Variants in SLC35F4 observed in about 807,000 individuals in gnomAD.
The protein encoded by SLC35F4 is solute carrier family 35 member F4, also known as chromosome 14 open reading frame 36.
SLC35F4 carries 24 observed loss-of-function variants against 44.2 expected under a neutral mutation model. The ratio of observed to expected loss-of-function variants is 0.54; its 90% CI spans 0.39 to 0.76. The LOEUF (loss-of-function observed/expected upper bound fraction) is 0.76. Among genes scored for constraint, SLC35F4 ranks in the 30% least tolerant of loss-of-function variants. The pLI is 0.00. For missense variants in SLC35F4, 562 were observed against 586.1 expected (o/e 0.96, Z 0.42); for synonymous variants, 238 against 223.6 (o/e 1.06, Z -0.57).
intron 1 of SLC35F4, chr14:57,837,492 A>T (rs535891035): frequency 6.6e-6 from 1 of 152,194 alleles, no homozygotes; most frequent in East Asian, 1.9e-4. Context: ...CCAAGGGTAG[A>T]CCTCCTCCAA....
chr14:57,786,814 G>A (rs1225386635), intron 1 of SLC35F4, among the ~76,000 whole-genome samples: 1 of 152,118 alleles, frequency 6.6e-6, no homozygotes, highest in Admixed American at 6.6e-5. Context: ...CAAATGAGAA[G>A]GAACCAGAAA....
At chr14:57,799,560 C>T (rs1460425637) in intron 1 of SLC35F4, 1 of 152,434 alleles carries the variant, frequency 6.6e-6, no homozygotes, top group Non-Finnish European at 1.5e-5. Context: ...GCTTGGAATT[C>T]CCGCCAGCCA....
At chr14:57,866,996 TAATAA>T (rs199957066), upstream of SLC35F4, among the ~76,000 whole-genome samples, 3 of 142,928 alleles carry the variant, frequency 2.1e-5, no homozygotes, top group East Asian at 5.9e-4. Context: ...ATAATAATAA[TAATAA>T]TTTTCAAAGT....
At chr14:57,707,702 C>A (rs937614756) in intron 1 of SLC35F4, among the ~76,000 whole-genome samples, 2 of 152,104 alleles carry the variant, frequency 1.3e-5, no homozygotes, top group Admixed American at 6.5e-5. Context: ...GGGTAATGGG[C>A]AGAGGTTGCA....
At chr14:57,664,755 T>C (rs2074251953) in intron 1 of SLC35F4, among the ~76,000 whole-genome samples, 2 of 152,228 alleles carry the variant, frequency 1.3e-5, no homozygotes, top group Admixed American at 6.5e-5. Context: ...ATGAACATCA[T>C]GCTTCCGTCC....
At chr14:57,875,765 A>G (rs73294869) in intron 1 of SLC35F4, among the ~76,000 whole-genome samples, 16,784 of 152,234 alleles carry the variant, frequency 0.11, 2,848 homozygotes, top group African/African-American at 0.36. Flanking sequence ...AGGTTAACTC[A>G]GATTGATTAG....
chr14:57,568,876 A>G (rs939152943), intron 6 of SLC35F4, among the ~76,000 whole-genome samples: 11 of 152,106 alleles, frequency 7.2e-5, no homozygotes, highest in African/African-American at 1.4e-4. Flanking sequence ...AAGGATTTCT[A>G]TGGAGAAGAG....
At chr14:57,856,487 G>A (rs971344616) in intron 1 of SLC35F4, among the ~76,000 whole-genome samples, 1 of 151,994 alleles carries the variant, frequency 6.6e-6, no homozygotes, top group Non-Finnish European at 1.5e-5. Flanking sequence ...ATTAGCTAGT[G>A]AAAGTAGTAT....
At chr14:57,572,238 A>C (rs1273964404) in intron 4 of SLC35F4, among the ~76,000 whole-genome samples, 2 of 152,172 alleles carry the variant, frequency 1.3e-5, no homozygotes, top group Non-Finnish European at 2.9e-5. Context: ...CTAATTAAAG[A>C]CTAGTAATTT....
chr14:57,934,989 C>A (rs1366898476), intron 1 of SLC35F4, among the ~76,000 whole-genome samples: 2 of 152,130 alleles, frequency 1.3e-5, no homozygotes, highest in East Asian at 3.9e-4. Flanking sequence ...CCCCAAACTT[C>A]AGAAACACAG....
intron 1 of SLC35F4, among the ~76,000 whole-genome samples, chr14:57,864,051 T>C (rs953315249): frequency 6.6e-6 from 1 of 152,232 alleles, no homozygotes; most frequent in South Asian, 2.1e-4. Flanking sequence ...TTTTCAGTAT[T>C]CTTTTTGGGT....
At chr14:57,849,302 T>C (rs746594866) in intron 1 of SLC35F4, among the ~76,000 whole-genome samples, 13 of 152,114 alleles carry the variant, frequency 8.5e-5, no homozygotes, top group Non-Finnish European at 1.8e-4. Context: ...GCTGGGATTA[T>C]AGGCATGCGC....
At chr14:57,723,625 G>T (rs12882672) in intron 1 of SLC35F4, among the ~76,000 whole-genome samples, 2 of 152,104 alleles carry the variant, frequency 1.3e-5, no homozygotes, top group African/African-American at 2.4e-5. Context: ...CCATTGACAT[G>T]GCAAATGCCT....
At chr14:57,593,382 C>T (rs80099116) in intron 2 of SLC35F4, among the ~76,000 whole-genome samples, 2,018 of 152,206 alleles carry the variant, frequency 0.013, 45 homozygotes, top group African/African-American at 0.046. Context: ...CAGTCAGTAA[C>T]CCAGGAGTTG....
intron 1 of SLC35F4, among the ~76,000 whole-genome samples, chr14:57,964,974 G>GAAAAAA (rs72495990): frequency 8.4e-6 from 1 of 119,018 alleles, no homozygotes; most frequent in African/African-American, 3.3e-5. Context: ...TCCCATGGGG[G>GAAAAAA]AAAAAAAAAA....
chr14:57,651,354 G>A (rs890455545), intron 1 of SLC35F4, among the ~76,000 whole-genome samples: 2 of 152,248 alleles, frequency 1.3e-5, no homozygotes, highest in Admixed American at 6.5e-5. Flanking sequence ...AGAATTCTGA[G>A]AAGTGAGTCA....
chr14:57,649,472 T>C (rs975612368), intron 1 of SLC35F4, among the ~76,000 whole-genome samples: 8 of 152,156 alleles, frequency 5.3e-5, no homozygotes, highest in African/African-American at 1.9e-4. Flanking sequence ...GCCTGCTTCT[T>C]ATAAAGGAAG....
intron 1 of SLC35F4, among the ~76,000 whole-genome samples, chr14:57,957,376 G>C (rs984107431): frequency 9.9e-5 from 15 of 151,666 alleles, no homozygotes; most frequent in African/African-American, 3.6e-4. Context: ...ACTATGGCAC[G>C]TGTATAACTA....
chr14:57,696,716 C>T lies in SLC35F4; in HGVS notation c.104-102592G>A, dbSNP rs566198862. Among the ~76,000 whole-genome samples, 123 of 152,312 alleles carry T rather than the reference C, an allele frequency of 8.1e-4. 1 individual carries two copies. Among genetic ancestry groups the T allele is most frequent in the African/African-American group, 2.6e-3 (110 of 41,576 alleles). ...ATAAAGAAAATGTGGCATATATACA[C>T]CATGGAATATTATGCAGCTGTAAAA... On this transcript the variant is annotated intron_variant, in intron 1 of 7. Coordinates refer to ENST00000556826, the MANE Select transcript of SLC35F4 (RefSeq NM_001306087.2).
Sources: gnomAD v4.1 joint callset for allele counts (sites outside exome capture counted in the v4.1 genomes callset) on GRCh38, gnomAD v4.1.1 for gene constraint, MANE v1.5 for transcripts, NCBI Gene and HGNC (gene_info 2026-07-23, HGNC 2026-07-21) for gene names.